Variants in DNAH14 observed in about 807,000 individuals in gnomAD.
DNAH14 encodes axonemal beta dynein heavy chain 14.
Under a neutral mutation model 520.9 loss-of-function variants are expected in DNAH14, and 478 were observed. That is an observed-to-expected ratio of 0.92 (90% confidence interval 0.85 to 0.99). DNAH14 has a LOEUF of 0.99. Among genes scored for constraint, DNAH14 ranks in the 50% least tolerant of loss-of-function variants. The pLI is 0.00. For missense variants in DNAH14, 4,831 were observed against 5,234.5 expected (o/e 0.92, Z 2.38); for synonymous variants, 1,581 against 1,757.2 (o/e 0.90, Z 2.51).
intron 1 of DNAH14, among the ~76,000 whole-genome samples, chr1:224,944,796 T>C (rs1256091472): frequency 6.6e-6 from 1 of 152,220 alleles, no homozygotes; most frequent in African/African-American, 2.4e-5. Context: ...AAAATTCTTT[T>C]CTTTAAGAAT....
intron 38 of DNAH14, among the ~76,000 whole-genome samples, chr1:225,200,803 T>A (rs1417395473): frequency 6.6e-6 from 1 of 152,154 alleles, no homozygotes; most frequent in Non-Finnish European, 1.5e-5. Flanking sequence ...TCCTTTGTCT[T>A]AACTTTAGAT....
chr1:225,360,641 G>T, intron 74 of DNAH14, 40 bp from the exon 75 acceptor site: 1 of 1,485,052 alleles, frequency 6.7e-7, no homozygotes, highest in East Asian at 2.5e-5. Context: ...GGAATTAAAT[G>T]AGCTTACAGT....
chr1:225,025,973 CTTTG>C (rs1380052481), intron 11 of DNAH14, among the ~76,000 whole-genome samples: 1 of 151,810 alleles, frequency 6.6e-6, no homozygotes. Context: ...TATTCAAACT[CTTTG>C]TTCATTTTTA....
At chr1:225,312,720 T>C (rs1176913132) in intron 60 of DNAH14, among the ~76,000 whole-genome samples, 1 of 152,238 alleles carries the variant, frequency 6.6e-6, no homozygotes, top group Non-Finnish European at 1.5e-5. Flanking sequence ...TTTTTGTTAT[T>C]AGTTCTGTTA....
intron 1 of DNAH14, among the ~76,000 whole-genome samples, chr1:224,932,382 A>G (rs924000580): frequency 6.6e-6 from 1 of 151,650 alleles, no homozygotes; most frequent in Non-Finnish European, 1.5e-5. Flanking sequence ...ATAGTTTGCA[A>G]TTTTTTTCTC....
chr1:225,364,406 A>G (rs1445119258), intron 75 of DNAH14, among the ~76,000 whole-genome samples: 1 of 152,028 alleles, frequency 6.6e-6, no homozygotes, highest in Non-Finnish European at 1.5e-5. Flanking sequence ...CTATTTATTT[A>G]TTTATATCAG....
At chr1:224,952,059 G>C (rs2060213975) in intron 1 of DNAH14, among the ~76,000 whole-genome samples, 1 of 152,174 alleles carries the variant, frequency 6.6e-6, no homozygotes, top group South Asian at 2.1e-4. Flanking sequence ...ATTGATTCCA[G>C]TCTTAAATTT....
At chr1:225,028,736 TA>T (rs750821085) in intron 11 of DNAH14, among the ~76,000 whole-genome samples, 5 of 151,960 alleles carry the variant, frequency 3.3e-5, no homozygotes, top group Non-Finnish European at 7.4e-5. Flanking sequence ...AAATACAAAT[TA>T]AAATCACAAT....
intron 10 of DNAH14, among the ~76,000 whole-genome samples, chr1:225,020,851 CACA>C (rs1382684370): frequency 1.3e-5 from 2 of 152,112 alleles, no homozygotes; most frequent in African/African-American, 4.8e-5. Flanking sequence ...CTGGCAGAGA[CACA>C]ACAAGAAAAG....
chr1:225,330,940 G>A (rs918022697), intron 64 of DNAH14, among the ~76,000 whole-genome samples: 2 of 151,868 alleles, frequency 1.3e-5, no homozygotes, highest in African/African-American at 4.8e-5. Flanking sequence ...TACCTACTGT[G>A]TACCCAAAAA....
intron 17 of DNAH14, among the ~76,000 whole-genome samples, chr1:225,064,707 A>G (rs961725397): frequency 1.3e-5 from 2 of 152,058 alleles, no homozygotes; most frequent in Non-Finnish European, 2.9e-5. Flanking sequence ...ATGAAACTTG[A>G]CAAGACAAAT....
chr1:224,945,598 GT>G (rs1382064756), intron 1 of DNAH14, among the ~76,000 whole-genome samples: 1 of 152,180 alleles, frequency 6.6e-6, no homozygotes, highest in South Asian at 2.1e-4. Flanking sequence ...TTTCTGCTCT[GT>G]TTTTTCCCCA....
intron 83 of DNAH14, among the ~76,000 whole-genome samples, chr1:225,390,153 T>C (rs1161425094): frequency 1.3e-5 from 2 of 152,160 alleles, no homozygotes; most frequent in Non-Finnish European, 2.9e-5. Flanking sequence ...GCTTCTATGA[T>C]GTCAAAGGTC....
chr1:225,140,675 A>G (rs1381666214), intron 27 of DNAH14, 93 bp from the exon 28 acceptor site: 14 of 1,051,034 alleles, frequency 1.3e-5, no homozygotes, highest in Middle Eastern at 6.4e-4. Flanking sequence ...CATAAACTTT[A>G]TGAAAACATC....
At chr1:225,364,456 T>C (rs1293235345) in intron 75 of DNAH14, among the ~76,000 whole-genome samples, 2 of 152,192 alleles carry the variant, frequency 1.3e-5, no homozygotes, top group Non-Finnish European at 2.9e-5. Context: ...AGGATTATAA[T>C]TGTTTACCGT....
At chr1:224,932,164 A>T (rs2058736336) in intron 1 of DNAH14, among the ~76,000 whole-genome samples, 1 of 152,104 alleles carries the variant, frequency 6.6e-6, no homozygotes, top group Admixed American at 6.5e-5. Context: ...TGACTGGGGT[A>T]GGATGGTATC....
At position 225,152,885 on chromosome 1, in the gene DNAH14, TA is replaced by T; in HGVS notation, c.5196+5del. 6.5e-7 allele frequency: 1 copy of T among 1,544,656 alleles called. No individual in the cohort carries two copies. The highest frequency in any genetic ancestry group is 1.4e-5 in the African/African-American group (1 of 72,654). On this transcript the variant is annotated splice_donor_region_variant and intron_variant, in intron 33 of 85. Coordinates refer to ENST00000682510, the MANE Select transcript of DNAH14 (RefSeq NM_001367479.1). Reference sequence around the variant, plus strand: ...GCGCGCAAACAGCTCTCACAACAGGTAAATAGCTACTTTTCTCAAAATATTT... The same window carrying T: ...GCGCGCAAACAGCTCTCACAACAGGTAATAGCTACTTTTCTCAAAATATTT...
At chr1:225,078,827 TCTCTCTCTCTCTCTCC>T (rs2072676728) in intron 17 of DNAH14, among the ~76,000 whole-genome samples, 2 of 45,156 alleles carry the variant, frequency 4.4e-5, no homozygotes, top group African/African-American at 1.3e-4. Flanking sequence ...TCTCTCTCCC[TCTCTCTCTCTCTCTCC>T]CTCTCTCTCT....
At chr1:224,995,488 T>A (rs1391559110) in intron 8 of DNAH14, among the ~76,000 whole-genome samples, 1 of 152,124 alleles carries the variant, frequency 6.6e-6, no homozygotes, top group East Asian at 1.9e-4. Flanking sequence ...TTTTTCTTTG[T>A]CTTTGATTTT....
Sources: gnomAD v4.1 joint callset for allele counts (sites outside exome capture counted in the v4.1 genomes callset) on GRCh38, gnomAD v4.1.1 for gene constraint, MANE v1.5 for transcripts, NCBI Gene and HGNC (gene_info 2026-07-23, HGNC 2026-07-21) for gene names.